CAPS2: variants seen among roughly 807,000 people sequenced by gnomAD.
CAPS2 encodes the protein calcyphosin-2.
In CAPS2, 98 loss-of-function variants were observed where a neutral mutation model predicts 86.5. The observed-to-expected ratio is 1.13, with a 90% CI of 0.96 to 1.34. The LOEUF (loss-of-function observed/expected upper bound fraction) is 1.34. Among genes scored for constraint, CAPS2 ranks in the 40% most tolerant of loss-of-function variants. The probability of loss-of-function intolerance (pLI) is 0.00; values close to 1 mark genes in which losing one functional copy is unlikely to be tolerated. For synonymous variants in CAPS2, 210 were observed against 225.1 expected (o/e 0.93, Z 0.60); for missense variants, 729 against 686.8 (o/e 1.06, Z -0.69).
chr12:75,290,936 A>AAAAAAAAC (rs1555191374), intron 13 of CAPS2, among the ~76,000 whole-genome samples: 4 of 147,122 alleles, frequency 2.7e-5, no homozygotes, highest in East Asian at 2.0e-4. Flanking sequence ...AAAAAAAAAC[A>AAAAAAAAC]AAAAAAAAAC....
At chr12:75,327,809 A>T (rs949889887), upstream of CAPS2, among the ~76,000 whole-genome samples, 2 of 149,356 alleles carry the variant, frequency 1.3e-5, no homozygotes, top group Non-Finnish European at 3.0e-5. Flanking sequence ...TACTTTATTT[A>T]TTAAAATTAA....
chr12:75,305,039 G>T, intron 7 of CAPS2, 163 bp from the exon 8 acceptor site: 1 of 505,312 alleles, frequency 2.0e-6, no homozygotes, highest in Non-Finnish European at 3.1e-6. Flanking sequence ...TTTTCCATAA[G>T]AAAGTAAATA....
chr12:75,304,849 A>G, exon 8 of CAPS2: 2 of 1,612,152 alleles, frequency 1.2e-6, no homozygotes, highest in Non-Finnish European at 1.7e-6. Flanking sequence ...CAATGGCTAA[A>G]TTTTGCTCTG....
At chr12:75,356,834 A>G (rs1249744308) in intron 1 of CAPS2, among the ~76,000 whole-genome samples, 3 of 152,156 alleles carry the variant, frequency 2.0e-5, no homozygotes, top group Admixed American at 2.0e-4. Context: ...TTGAATATAA[A>G]AACACAAATA....
At chr12:75,352,798 T>C (rs1310380410) in intron 1 of CAPS2, among the ~76,000 whole-genome samples, 1 of 152,074 alleles carries the variant, frequency 6.6e-6, no homozygotes, top group Admixed American at 6.5e-5. Flanking sequence ...CATAACAGTC[T>C]CTCAGAACAA....
chr12:75,285,150 T>C (rs1399994925), intron 14 of CAPS2, 70 bp from the exon 15 acceptor site: 6 of 1,467,254 alleles, frequency 4.1e-6, no homozygotes, highest in Non-Finnish European at 5.6e-6. Context: ...ATCTTAGTTG[T>C]ATTTTGTTAC....
At chr12:75,342,206 G>A (rs569287560) in intron 1 of CAPS2, among the ~76,000 whole-genome samples, 35 of 152,202 alleles carry the variant, frequency 2.3e-4, no homozygotes, top group Admixed American at 2.0e-4. Flanking sequence ...TAGATATTGT[G>A]GGAGTGATTA....
At chr12:75,289,383 TAC>T (rs754357903) in intron 14 of CAPS2, among the ~76,000 whole-genome samples, 20 of 152,222 alleles carry the variant, frequency 1.3e-4, no homozygotes, top group Non-Finnish European at 2.6e-4. Context: ...ATCTTGACAG[TAC>T]AGAGTATTAT....
downstream of CAPS2, chr12:75,277,076 T>C: frequency 4.1e-6 from 4 of 984,416 alleles, no homozygotes; most frequent in Non-Finnish European, 4.8e-6. Flanking sequence ...TCTAACAAAA[T>C]ACACCAAAAA....
intron 1 of CAPS2, among the ~76,000 whole-genome samples, chr12:75,385,783 A>G (rs1471077624): frequency 6.6e-6 from 1 of 152,220 alleles, no homozygotes; most frequent in Non-Finnish European, 1.5e-5. Context: ...AAAGTCAGTT[A>G]CTTTAAATTG....
At chr12:75,332,032 G>A (rs554070296), upstream of CAPS2, among the ~76,000 whole-genome samples, 1 of 152,272 alleles carries the variant, frequency 6.6e-6, no homozygotes, top group African/African-American at 2.4e-5. Flanking sequence ...TCTGAATATA[G>A]CTGTCTAAGC....
At chr12:75,360,706 T>C (rs1331595372) in intron 1 of CAPS2, 2 of 152,218 alleles carry the variant, frequency 1.3e-5, no homozygotes, top group Non-Finnish European at 2.9e-5. Context: ...GTCTGGAGAA[T>C]GGTGGCCCTG....
chr12:75,367,205 G>A (rs1184107108), intron 1 of CAPS2, among the ~76,000 whole-genome samples: 2 of 137,306 alleles, frequency 1.5e-5, no homozygotes, highest in African/African-American at 5.4e-5. Context: ...TGGCAGTGGA[G>A]AAGATCCTTT....
chr12:75,292,319 G>C (rs2036114135), intron 12 of CAPS2, among the ~76,000 whole-genome samples: 1 of 152,024 alleles, frequency 6.6e-6, no homozygotes, highest in Non-Finnish European at 1.5e-5. Context: ...GCCCACCTCA[G>C]CCTCCCAAAG....
intron 9 of CAPS2, among the ~76,000 whole-genome samples, 190 bp downstream of exon 9, chr12:75,299,647 C>T (rs940311383): frequency 6.6e-6 from 1 of 151,918 alleles, no homozygotes; most frequent in African/African-American, 2.4e-5. Flanking sequence ...GAATGTTTTT[C>T]CTACAGATTC....
At chr12:75,356,945 A>T (rs531206026) in intron 1 of CAPS2, among the ~76,000 whole-genome samples, 1 of 152,240 alleles carries the variant, frequency 6.6e-6, no homozygotes, top group East Asian at 1.9e-4. Flanking sequence ...CCAACAACTC[A>T]AGAGGCTGAT....
chr12:75,299,172 A>G (rs1237039658), intron 9 of CAPS2, among the ~76,000 whole-genome samples: 1 of 152,200 alleles, frequency 6.6e-6, no homozygotes, highest in Non-Finnish European at 1.5e-5. Context: ...AGAAAAAAAT[A>G]ATCTTACACT....
chr12:75,370,248 C>A, intron 1 of CAPS2: 1 of 791,490 alleles, frequency 1.3e-6, no homozygotes, highest in Non-Finnish European at 2.1e-6. Flanking sequence ...TATAACTTAT[C>A]ATCACTTTGC....
intron 1 of CAPS2, among the ~76,000 whole-genome samples, chr12:75,362,529 T>C (rs571757246): frequency 9.2e-5 from 14 of 152,320 alleles, no homozygotes; most frequent in African/African-American, 3.1e-4. Context: ...TTGTGGCATA[T>C]TCTTTAATGG....
Sources: allele counts gnomAD v4.1 joint callset (sites outside exome capture counted in the v4.1 genomes callset), GRCh38; gene constraint gnomAD v4.1.1; transcripts MANE v1.5; gene names NCBI Gene and HGNC (gene_info 2026-07-23, HGNC 2026-07-21).